Variants in TYW1 observed in about 807,000 individuals in gnomAD.
TYW1 encodes S-adenosyl-L-methionine-dependent tRNA 4-demethylwyosine synthase TYW1.
A neutral mutation model predicts 96.2 loss-of-function variants in TYW1; 46 were observed. The observed-to-expected ratio is 0.48, with a 90% CI of 0.38 to 0.61. TYW1 has a LOEUF of 0.61. TYW1 is among the 20% of genes least tolerant of loss of function. TYW1 has a pLI of 0.00. For missense variants in TYW1, 684 were observed against 909.6 expected, an observed-to-expected ratio of 0.75 and a Z score of 3.19; for synonymous variants, 274 against 323.0, an observed-to-expected ratio of 0.85 and a Z score of 1.63.
chr7:67,205,498 G>A lies in TYW1; in HGVS notation c.1977+10161G>A, dbSNP rs138835211. On this transcript the variant is annotated intron_variant, in intron 15 of 15. Transcript: ENST00000359626. Reference sequence around the variant, plus strand: ...GAGAGGTGCCTTGTTACTGCTAGGTGGAGTGAAAGTCCAGGCTCCCTGTGT... The same window carrying A: ...GAGAGGTGCCTTGTTACTGCTAGGTAGAGTGAAAGTCCAGGCTCCCTGTGT... Among the ~76,000 whole-genome samples, 296 of 150,428 alleles carry A rather than the reference G, an allele frequency of 2.0e-3. 1 individual carries two copies. The highest frequency in any genetic ancestry group is 6.8e-3 in the Middle Eastern group (2 of 292).
Position 67,030,315 on chromosome 7 carries a change from A to T in TYW1, c.984+5293A>T, listed in dbSNP as rs1436603982. ...ATGCCAAGGTTTTTTGAAGCTGTGT[A>T]CCAAGAACCAGGGTCAAAGGTCAGA... On this transcript the variant is annotated intron_variant, in intron 7 of 15. Coordinates refer to ENST00000359626, the MANE Select transcript of TYW1 (RefSeq NM_018264.4). 5.9e-5 allele frequency among the ~76,000 whole-genome samples: 9 copies of T among 152,148 alleles called. No individual in the cohort carries two copies. The East Asian group carries it at 1.7e-3, about 29-fold the overall frequency.
intron 13 of TYW1, among the ~76,000 whole-genome samples, chr7:67,162,652 G>A (rs1279025073): frequency 3.9e-5 from 6 of 152,208 alleles, no homozygotes; most frequent in Admixed American, 6.5e-5. Flanking sequence ...TGATGCAGGA[G>A]TGATGGATAG....
chr7:67,160,130 G>A (rs1450906635), intron 13 of TYW1, among the ~76,000 whole-genome samples: 2 of 152,054 alleles, frequency 1.3e-5, no homozygotes, highest in Admixed American at 1.3e-4. Flanking sequence ...AGCCAGAGGC[G>A]GTGGCTAGTG....
At chr7:67,089,295 G>A (rs1372941827) in intron 11 of TYW1, 14 of 1,389,912 alleles carry the variant, frequency 1.0e-5, no homozygotes, top group East Asian at 4.7e-5. Flanking sequence ...TTGTCCCCTC[G>A]GGACCCAGGC....
chr7:67,191,415 T>C (rs916021118), intron 14 of TYW1, among the ~76,000 whole-genome samples: 2 of 152,126 alleles, frequency 1.3e-5, no homozygotes, highest in African/African-American at 2.4e-5. Context: ...GTCTGCTTGT[T>C]ACTCCTCAGC....
At chr7:67,033,699 T>C (rs968668563) in intron 7 of TYW1, among the ~76,000 whole-genome samples, 6 of 111,580 alleles carry the variant, frequency 5.4e-5, no homozygotes, top group Admixed American at 9.7e-5. Context: ...TGGGGGACCC[T>C]TTTTTTTTTT....
At chr7:67,017,268 A>G (rs936566987) in intron 5 of TYW1, among the ~76,000 whole-genome samples, 1 of 152,100 alleles carries the variant, frequency 6.6e-6, no homozygotes, top group Non-Finnish European at 1.5e-5. Context: ...CAGACATGAG[A>G]CACTTCGCCT....
chr7:67,160,603 C>T (rs1023128374), intron 13 of TYW1, among the ~76,000 whole-genome samples: 9 of 146,430 alleles, frequency 6.1e-5, no homozygotes, highest in Non-Finnish European at 8.9e-5. Context: ...AAATTTTTCA[C>T]TTTTTTGAAT....
intron 15 of TYW1, among the ~76,000 whole-genome samples, chr7:67,207,476 C>G (rs930860652): frequency 1.3e-5 from 2 of 152,132 alleles, no homozygotes; most frequent in Admixed American, 1.3e-4. Flanking sequence ...ATCCAGTGAC[C>G]TTTTCTCATT....
chr7:67,045,523 C>T (rs980670445), intron 7 of TYW1, among the ~76,000 whole-genome samples: 9 of 152,198 alleles, frequency 5.9e-5, no homozygotes, highest in Non-Finnish European at 1.2e-4. Context: ...CAACCAGTAT[C>T]GTATGATATT....
At chr7:67,020,800 C>T (rs1338285055) in intron 6 of TYW1, among the ~76,000 whole-genome samples, 6 of 152,270 alleles carry the variant, frequency 3.9e-5, no homozygotes, top group East Asian at 1.9e-4. Context: ...GAATCCAAGG[C>T]AGGCGGATCA....
At chr7:67,014,618 CACACACGTAA>C (rs1562965839) in intron 5 of TYW1, 57 bp downstream of exon 5, 5 of 1,558,914 alleles carry the variant, frequency 3.2e-6, no homozygotes, top group Non-Finnish European at 3.5e-6. Flanking sequence ...CACACACGCA[CACACACGTAA>C]ACACACACAC....
intron 11 of TYW1, among the ~76,000 whole-genome samples, chr7:67,086,506 A>G (rs1221007007): frequency 6.6e-6 from 1 of 151,990 alleles, no homozygotes; most frequent in Non-Finnish European, 1.5e-5. Flanking sequence ...ATTGAGATTC[A>G]TTTGTTCATT....
chr7:67,103,767 TTGA>T (rs1157311544), intron 12 of TYW1, among the ~76,000 whole-genome samples: 1 of 152,230 alleles, frequency 6.6e-6, no homozygotes, highest in Non-Finnish European at 1.5e-5. Flanking sequence ...TCCTTTAATG[TTGA>T]TAATGCTAAT....
At chr7:67,216,368 A>G (rs1801197000) in intron 15 of TYW1, among the ~76,000 whole-genome samples, 1 of 136,296 alleles carries the variant, frequency 7.3e-6, no homozygotes, top group East Asian at 2.0e-4. Flanking sequence ...AAGATAAAAA[A>G]TTTCAAATCT....
intron 13 of TYW1, among the ~76,000 whole-genome samples, chr7:67,149,960 G>A (rs2844187): frequency 6.6e-6 from 1 of 151,850 alleles, no homozygotes; most frequent in Non-Finnish European, 1.5e-5. Flanking sequence ...AAAGATTTAT[G>A]TCACCAGAAA....
intron 13 of TYW1, among the ~76,000 whole-genome samples, chr7:67,178,487 G>C (rs1799744481): frequency 2.0e-5 from 3 of 152,096 alleles, no homozygotes; most frequent in Admixed American, 2.0e-4. Flanking sequence ...ACTAAACTCT[G>C]GTGTTCAAAG....
At chr7:67,039,457 CAAA>C (rs879310027) in intron 7 of TYW1, among the ~76,000 whole-genome samples, 2 of 106,684 alleles carry the variant, frequency 1.9e-5, no homozygotes. Context: ...GACTCCGTCT[CAAA>C]AAAAAAAAAA....
rs571349883 is a variant in TYW1, at chr7:67,090,076, T to G, written c.1384+6537T>G. Reference sequence around the variant, plus strand: ...TATTGCTAGGTGTTTTTATCTATACTTTAGGCTAGAAGCAAAGTACTGCAA... The same window carrying G: ...TATTGCTAGGTGTTTTTATCTATACGTTAGGCTAGAAGCAAAGTACTGCAA... On this transcript the variant is annotated intron_variant, in intron 11 of 15. Transcript: ENST00000359626. Among the ~76,000 whole-genome samples the G allele has an allele frequency of 5.3e-5, 8 of 152,322 alleles. No individual in the cohort carries two copies. In the East Asian group the frequency reaches 1.5e-3, roughly 29 times the overall value.
Sources: allele counts gnomAD v4.1 joint callset (sites outside exome capture counted in the v4.1 genomes callset), GRCh38; gene constraint gnomAD v4.1.1; transcripts MANE v1.5; gene names NCBI Gene and HGNC (gene_info 2026-07-23, HGNC 2026-07-21).